C1orf159: variants seen among roughly 807,000 people sequenced by gnomAD.
The protein encoded by C1orf159 is uncharacterized protein C1orf159.
In C1orf159, 19 loss-of-function variants were observed where a neutral mutation model predicts 25.6. The observed-to-expected ratio is 0.74, with a 90% CI of 0.52 to 1.09. C1orf159 has a LOEUF of 1.09. Ranked by LOEUF, C1orf159 falls within the 50% of genes least tolerant of loss-of-function variation. The probability of loss-of-function intolerance (pLI) is 0.00; values close to 1 mark genes in which losing one functional copy is unlikely to be tolerated. For synonymous variants in C1orf159, 139 were observed against 124.7 expected, an observed-to-expected ratio of 1.12 and a Z score of -0.77; for missense variants, 274 against 290.6, an observed-to-expected ratio of 0.94 and a Z score of 0.42.
chr1:1,115,375 C>A (rs1415565519), intron 1 of C1orf159, among the ~76,000 whole-genome samples: 1 of 152,188 alleles, frequency 6.6e-6, no homozygotes, highest in Non-Finnish European at 1.5e-5. Context: ...AGACCTGAAT[C>A]GTGGCCGACT....
chr1:1,114,572 C>T (rs192128884), intron 1 of C1orf159, among the ~76,000 whole-genome samples: 32 of 152,332 alleles, frequency 2.1e-4, no homozygotes, highest in Non-Finnish European at 4.0e-4. Flanking sequence ...CGTGTGGAAA[C>T]ACCTGCCTGA....
chr1:1,090,241 G>T, intron 4 of C1orf159, 112 bp downstream of exon 4: 1 of 1,099,738 alleles, frequency 9.1e-7, no homozygotes, highest in Non-Finnish European at 1.3e-6. Flanking sequence ...CACTCCCCAG[G>T]TCCCGCAGCA....
At chr1:1,091,769 A>T (rs1645941612) in intron 2 of C1orf159, 1 of 393,078 alleles carries the variant, frequency 2.5e-6, no homozygotes, top group African/African-American at 2.4e-5. Flanking sequence ...GGGTGGGGCC[A>T]AATGGAAGTG....
At position 1,087,314 on chromosome 1, in the gene C1orf159, G is replaced by GCTGCTCCGCCCCCTCA; in HGVS notation, c.245-111_245-110insTGAGGGGGCGGAGCAG. The stretch of plus-strand genomic sequence containing the variant: ...GAAATATGAAAGCGAGGGGCTGAGG[G>GCTGCTCCGCCCCCTCA]GGCGGAGCAGCCCTCACCACAGAGC... On this transcript the variant is annotated intron_variant, in intron 5 of 9. Coordinates refer to ENST00000421241, the MANE Select transcript of C1orf159 (RefSeq NM_017891.5). This position sits in a 1 kb window ranked among gnomAD's most constrained non-coding sequence, Gnocchi z 8.3. The GCTGCTCCGCCCCCTCA allele has an allele frequency of 8.0e-7, 1 of 1,249,896 alleles. No individual in the cohort carries two copies. The highest frequency in any genetic ancestry group is 1.5e-5 in the African/African-American group (1 of 66,484). 77.4% of individuals were successfully genotyped at this position (1,249,896 alleles called of 1,614,324 possible).
At chr1:1,101,822 A>G (rs919301426) in intron 1 of C1orf159, among the ~76,000 whole-genome samples, 3 of 152,156 alleles carry the variant, frequency 2.0e-5, no homozygotes, top group East Asian at 1.9e-4. Context: ...CTGTAATCCC[A>G]GCACTTTAGG....
chr1:1,093,314 A>G (rs1287606141), intron 1 of C1orf159, among the ~76,000 whole-genome samples: 1 of 152,250 alleles, frequency 6.6e-6, no homozygotes, highest in Admixed American at 6.5e-5. Context: ...ATTTTGATTC[A>G]GGAACCAGAA....
rs1275931441 is a variant in C1orf159 at position 1,087,621 on chromosome 1, T to A, written c.149-24A>T. 1 of 1,515,766 alleles carries A rather than the reference T, an allele frequency of 6.6e-7. No individual in the cohort carries two copies. The highest frequency in any genetic ancestry group is 8.9e-7 in the Non-Finnish European group (1 of 1,129,136). The allele number at this position is 1,515,766 out of a possible 1,614,324, so 93.9% of individuals were successfully genotyped here. ...GCCTGCGTGGGGCAGAGGACGGGCA[T>A]GTCAGCCAAAGCAAAATCCACACCA... On this transcript the variant is annotated intron_variant, in intron 4 of 9. Transcript: ENST00000421241. This position sits in a 1 kb window ranked among gnomAD's most constrained non-coding sequence, Gnocchi z 8.3.
chr1:1,083,178 G>A (rs115473837), intron 9 of C1orf159, 191 bp from the exon 10 acceptor site: 1 of 557,764 alleles, frequency 1.8e-6, no homozygotes, highest in Non-Finnish European at 3.2e-6. Flanking sequence ...GCTCGGGAAA[G>A]GGACGGCTTC....
intron 1 of C1orf159, among the ~76,000 whole-genome samples, chr1:1,101,290 C>G (rs1339186263): frequency 6.6e-6 from 1 of 152,162 alleles, no homozygotes; most frequent in Non-Finnish European, 1.5e-5. Flanking sequence ...TGATGCCACC[C>G]TGGCCAACAT....
intron 9 of C1orf159, chr1:1,083,221 C>T (rs2100737281): frequency 4.0e-6 from 2 of 495,166 alleles, no homozygotes; most frequent in South Asian, 6.0e-5. Flanking sequence ...CATTTACACC[C>T]TGGGCCCCGG....
chr1:1,095,974 G>T (rs780798150), intron 1 of C1orf159, among the ~76,000 whole-genome samples: 1 of 152,144 alleles, frequency 6.6e-6, no homozygotes, highest in Non-Finnish European at 1.5e-5. Flanking sequence ...TGACGACAAA[G>T]ATTCATTTAT....
chr1:1,115,570 G>T (rs1646325488), intron 1 of C1orf159, among the ~76,000 whole-genome samples: 1 of 75,478 alleles, frequency 1.3e-5, no homozygotes, highest in Non-Finnish European at 2.5e-5. Flanking sequence ...CCCCTCCCCA[G>T]GGACCCCCTT....
intron 1 of C1orf159, chr1:1,106,817 A>C (rs1646178038): frequency 1.3e-5 from 2 of 152,780 alleles, no homozygotes; most frequent in African/African-American, 2.4e-5. Flanking sequence ...CCGGGGCTGC[A>C]TGCAGCGTGA....
rs1645751064 is a variant in C1orf159, at chr1:1,082,078, CG to C, written c.*814del. The C allele has an allele frequency of 6.6e-6, 1 of 152,396 alleles. No individual in the cohort carries two copies. The allele number at this position is 152,396 out of a possible 1,614,324, so 9.4% of individuals were successfully genotyped here. A position where few individuals can be genotyped will look rare whatever the true frequency, so the allele number is the denominator to read the frequency against. On this transcript the variant is annotated 3_prime_UTR_variant, in exon 10 of 10. Transcript: ENST00000421241. ...GACGGCGCCTTTCTCCCAGGAACTC[CG>C]GGAGGGACCCCAGGACTCAGCGCCA...
At chr1:1,102,414 C>T (rs1570327832) in intron 1 of C1orf159, among the ~76,000 whole-genome samples, 1 of 150,258 alleles carries the variant, frequency 6.7e-6, no homozygotes, top group African/African-American at 2.5e-5. Context: ...ATTTCTATTC[C>T]TCTGTCTTTG....
intron 1 of C1orf159, among the ~76,000 whole-genome samples, chr1:1,102,855 C>T (rs1646122003): frequency 6.6e-6 from 1 of 151,344 alleles, no homozygotes; most frequent in Admixed American, 6.6e-5. Flanking sequence ...AAGAGTTTCA[C>T]TCTTGTCCCC....
chr1:1,089,093 C>T lies in C1orf159; in HGVS notation c.148+1260G>A, dbSNP rs1336920292. ...CAGAAGTGCCCGCTGCCTCCCCGAGCGGAGACGTGACCTGGCTTGGGGCCG... is the reference window on the plus strand; with the variant it reads ...CAGAAGTGCCCGCTGCCTCCCCGAGTGGAGACGTGACCTGGCTTGGGGCCG... On this transcript the variant is annotated intron_variant, in intron 4 of 9. Coordinates refer to ENST00000421241, the MANE Select transcript of C1orf159 (RefSeq NM_017891.5). The surrounding 1 kb of genome is among the most constrained non-coding windows in gnomAD (Gnocchi z 7.5). Among the ~76,000 whole-genome samples, 2 of 152,182 alleles carry T rather than the reference C, an allele frequency of 1.3e-5. No individual in the cohort carries two copies. Among genetic ancestry groups the T allele is most frequent in the Admixed American group, 6.5e-5 (1 of 15,276 alleles).
intron 9 of C1orf159, chr1:1,083,286 T>C (rs751087291): frequency 5.4e-6 from 2 of 373,698 alleles, no homozygotes; most frequent in Non-Finnish European, 9.7e-6. Context: ...TCCCAGAGTA[T>C]CATGCACCTC....
At position 1,108,917 on chromosome 1, in the gene C1orf159, G is replaced by A. The variant is rs576196908; in HGVS notation, c.-136+7143C>T. Reference sequence around the variant, plus strand: ...ACAGCCACCATGTCTCGGCAGCACCGTCCACCACAGCCACCATGTCTCGGC... The same window carrying A: ...ACAGCCACCATGTCTCGGCAGCACCATCCACCACAGCCACCATGTCTCGGC... On this transcript the variant is annotated intron_variant, in intron 1 of 9. Transcript: ENST00000421241. Among the ~76,000 whole-genome samples the A allele has an allele frequency of 4.1e-3, 427 of 104,516 alleles. 30 individuals carry two copies. The highest frequency in any genetic ancestry group is 9.3e-3 in the Middle Eastern group (1 of 108). 68.6% of individuals were successfully genotyped at this position (104,516 alleles called of 152,430 possible). A position where few individuals can be genotyped will look rare whatever the true frequency, so the allele number is the denominator to read the frequency against.
Sources: allele counts gnomAD v4.1 joint callset (sites outside exome capture counted in the v4.1 genomes callset), GRCh38; gene constraint gnomAD v4.1.1; non-coding constraint Gnocchi (gnomAD v3.1); transcripts MANE v1.5; gene names NCBI Gene and HGNC (gene_info 2026-07-23, HGNC 2026-07-21).